Variants in AK9 observed in about 807,000 individuals in gnomAD.
AK9 encodes the protein adenylate kinase domain containing 1.
Under a neutral mutation model 239.6 loss-of-function variants are expected in AK9, and 191 were observed. That is an observed-to-expected ratio of 0.80 (90% CI 0.71 to 0.90). AK9 has a LOEUF of 0.90. AK9 is among the 40% of genes least tolerant of loss of function. The pLI is 0.00. For missense variants in AK9, 1,995 were observed against 2,214.7 expected, an observed-to-expected ratio of 0.90 and a Z score of 1.99; for synonymous variants, 689 against 721.0, an observed-to-expected ratio of 0.96 and a Z score of 0.71.
chr6:109,529,894 C>G (rs564540452), intron 28 of AK9, among the ~76,000 whole-genome samples: 1 of 152,264 alleles, frequency 6.6e-6, no homozygotes, highest in Non-Finnish European at 1.5e-5. Context: ...CCACTCACTG[C>G]TCACCTCCTG....
At chr6:109,660,890 GATA>G in intron 6 of AK9, 1 of 460,972 alleles carries the variant, frequency 2.2e-6, no homozygotes, top group Non-Finnish European at 4.2e-6. Flanking sequence ...ACCACTCTCT[GATA>G]ACTACTGCTC....
chr6:109,563,588 G>A lies in AK9; in HGVS notation c.2751+9C>T. On this transcript the variant is annotated intron_variant, in intron 24 of 40. Transcript: ENST00000424296. Reference sequence around the variant, plus strand: ...CAAATGAGAATGAGTAGAAATAAAAGAATCATGCCTCTTCCTCTTCCTCTT... The same window carrying A: ...CAAATGAGAATGAGTAGAAATAAAAAAATCATGCCTCTTCCTCTTCCTCTT... 6.5e-7 allele frequency: 1 copy of A among 1,548,870 alleles called. No homozygotes were observed. Among genetic ancestry groups the A allele is most frequent in the Non-Finnish European group, 8.7e-7 (1 of 1,146,504 alleles).
chr6:109,516,548 T>A lies in AK9; in HGVS notation c.3728A>T (p.Asp1243Val). The part of the protein sequence containing the change: ...ENILEDEFPK[D>V]EEEMSGEEDE... ...TTCCTCGCCACTCATCTCTTCCTCATCTTTTGGAAACTCATCTTCAAGGAT... is the reference window on the plus strand; with the variant it reads ...TTCCTCGCCACTCATCTCTTCCTCAACTTTTGGAAACTCATCTTCAAGGAT... The change falls in exon 30 of 41, where the codon GAT becomes GTT. Residue 1243 changes from aspartate to valine, a missense_variant. Asp to Val is a radical substitution (Grantham distance 152). Transcript: ENST00000424296. 6 of 1,551,630 alleles carry A rather than the reference T, an allele frequency of 3.9e-6. No individual in the cohort carries two copies. In the South Asian group the frequency reaches 5.9e-5, roughly 15 times the overall value.
intron 8 of AK9, among the ~76,000 whole-genome samples, chr6:109,654,164 T>G (rs1400457483): frequency 1.3e-5 from 2 of 152,154 alleles, no homozygotes; most frequent in African/African-American, 4.8e-5. Context: ...TATTGCAAGT[T>G]TGAACAAAAT....
At chr6:109,539,260 C>T (rs1164005310) in intron 27 of AK9, among the ~76,000 whole-genome samples, 1 of 152,206 alleles carries the variant, frequency 6.6e-6, no homozygotes, top group Non-Finnish European at 1.5e-5. Flanking sequence ...TAGATTTGGT[C>T]TTTTCACATA....
At chr6:109,659,828 G>A (rs1583470997) in intron 6 of AK9, among the ~76,000 whole-genome samples, 2 of 152,248 alleles carry the variant, frequency 1.3e-5, no homozygotes, top group Non-Finnish European at 1.5e-5. Context: ...TTGTTTATTT[G>A]TAATATTTAC....
At chr6:109,618,676 CATTAA>C (rs1309126644) in intron 13 of AK9, among the ~76,000 whole-genome samples, 1 of 152,128 alleles carries the variant, frequency 6.6e-6, no homozygotes, top group Non-Finnish European at 1.5e-5. Flanking sequence ...AGTTTCATCG[CATTAA>C]ATTAATCTTT....
At chr6:109,599,917 C>T (rs1033929892) in intron 17 of AK9, among the ~76,000 whole-genome samples, 1 of 152,120 alleles carries the variant, frequency 6.6e-6, no homozygotes, top group African/African-American at 2.4e-5. Context: ...ATTTTTTGCA[C>T]ATTGATTTTG....
intron 20 of AK9, among the ~76,000 whole-genome samples, chr6:109,574,982 C>T (rs1787875910): frequency 6.6e-6 from 1 of 152,140 alleles, no homozygotes; most frequent in Non-Finnish European, 1.5e-5. Flanking sequence ...TCCTGAGTTA[C>T]CTCACTTAGA....
intron 1 of AK9, among the ~76,000 whole-genome samples, chr6:109,681,734 A>C (rs183547195): frequency 1.1e-3 from 166 of 152,222 alleles, no homozygotes; most frequent in Non-Finnish European, 1.9e-3. Context: ...AACAGAAATC[A>C]TAACAGTCTC....
intron 8 of AK9, among the ~76,000 whole-genome samples, chr6:109,647,433 G>C (rs1048974895): frequency 2.6e-5 from 4 of 152,166 alleles, no homozygotes; most frequent in Admixed American, 2.0e-4. Flanking sequence ...GGCAGGGGTT[G>C]CAATCCTAGT....
intron 21 of AK9, among the ~76,000 whole-genome samples, chr6:109,569,956 T>TG (rs1480801478): frequency 1.3e-5 from 2 of 152,122 alleles, no homozygotes; most frequent in Admixed American, 1.3e-4. Flanking sequence ...TTACAAATCA[T>TG]GCTGCTATAA....
chr6:109,502,535 C>G (rs1218754348), intron 35 of AK9, among the ~76,000 whole-genome samples: 1 of 152,184 alleles, frequency 6.6e-6, no homozygotes, highest in Non-Finnish European at 1.5e-5. Context: ...CCTGTCAACA[C>G]CTTGATTTTG....
chr6:109,581,590 G>A (rs1269496060), intron 19 of AK9, among the ~76,000 whole-genome samples: 1 of 152,168 alleles, frequency 6.6e-6, no homozygotes, highest in Non-Finnish European at 1.5e-5. Context: ...GGGAGGCAAG[G>A]AACCTGGAGA....
chr6:109,634,488 AC>A (rs1309032405), intron 10 of AK9, among the ~76,000 whole-genome samples: 1 of 152,156 alleles, frequency 6.6e-6, no homozygotes, highest in African/African-American at 2.4e-5. Flanking sequence ...GCTCCCCCCA[AC>A]CCTCAGATGT....
rs771665293 is a variant in AK9, at chr6:109,675,785, C to T, written c.-11-29G>A. 7 of 1,380,272 alleles carry T rather than the reference C, an allele frequency of 5.1e-6. No homozygotes were observed. In the African/African-American group the frequency reaches 9.0e-5, roughly 18 times the overall value. The allele number at this position is 1,380,272 out of a possible 1,614,324, so 85.5% of individuals were successfully genotyped here. A position where few individuals can be genotyped will look rare whatever the true frequency, so the allele number is the denominator to read the frequency against. On this transcript the variant is annotated intron_variant, in intron 1 of 40. Transcript: ENST00000424296. Reference sequence around the variant, plus strand: ...CAATAAAAAAGGGTAAGATTGTTAACTTGTCTAATTTGGTTGGATGAGGTG... The same window carrying T: ...CAATAAAAAAGGGTAAGATTGTTAATTTGTCTAATTTGGTTGGATGAGGTG...
Position 109,499,416 on chromosome 6 carries a change from T to A in AK9, c.4850-176A>T, listed in dbSNP as rs147617507. On this transcript the variant is annotated intron_variant, in intron 35 of 40. Transcript: ENST00000424296. ...CATCTCCATTGTTTCAATCCAATAC[T>A]TAACCTGAGAGGTAATCATCACTGT... Among the ~76,000 whole-genome samples, 249 of 152,332 alleles carry A rather than the reference T, an allele frequency of 1.6e-3. 1 individual carries two copies. Among genetic ancestry groups the A allele is most frequent in the African/African-American group, 5.7e-3 (238 of 41,588 alleles).
chr6:109,525,287 T>C (rs1780346925), intron 29 of AK9, among the ~76,000 whole-genome samples: 1 of 152,118 alleles, frequency 6.6e-6, no homozygotes, highest in African/African-American at 2.4e-5. Context: ...CAAAAGCAAT[T>C]GCAACAGAAA....
chr6:109,547,074 AAAC>A (rs749689106), intron 25 of AK9, among the ~76,000 whole-genome samples: 8 of 152,214 alleles, frequency 5.3e-5, no homozygotes, highest in Non-Finnish European at 8.8e-5. Context: ...TTACAGCTGA[AAAC>A]AACAACAACA....
Sources: allele counts gnomAD v4.1 joint callset (sites outside exome capture counted in the v4.1 genomes callset), GRCh38; gene constraint gnomAD v4.1.1; transcripts MANE v1.5; gene names NCBI Gene and HGNC (gene_info 2026-07-23, HGNC 2026-07-21).